Variants in TSFM observed in about 807,000 individuals in gnomAD.
TSFM encodes the protein elongation factor Ts, mitochondrial.
In TSFM, 29 loss-of-function variants were observed where a neutral mutation model predicts 33.4. The ratio of observed to expected loss-of-function variants is 0.87; its 90% CI spans 0.65 to 1.18. TSFM has a LOEUF of 1.18. Ranked by LOEUF, TSFM falls within the 50% of genes most tolerant of loss-of-function variation. The probability of loss-of-function intolerance (pLI) is 0.00; values close to 1 mark genes in which losing one functional copy is unlikely to be tolerated. For synonymous variants in TSFM, 178 were observed against 163.5 expected, an observed-to-expected ratio of 1.09 and a Z score of -0.68; for missense variants, 394 against 395.6, an observed-to-expected ratio of 1.00 and a Z score of 0.04.
At position 57,783,144 on chromosome 12, in the gene TSFM, G is replaced by C. The variant is rs148797631; in HGVS notation, c.92G>C (p.Arg31Thr). ...CTTCTGCGTCAGTCGCCCCAGCCAA[G>C]GCACACATTTTATGCTGGGCCCCGT... ...GSLLRQSPQPRHTFYAGPRLS... is the reference protein window; with the variant it reads ...GSLLRQSPQPTHTFYAGPRLS... Residue 31 changes from arginine to threonine, a missense_variant, in exon 2 of 6, where the codon AGG becomes ACG. Coordinates refer to ENST00000652027, the MANE Select transcript of TSFM (RefSeq NM_005726.6). The C allele has an allele frequency of 2.5e-5, 40 of 1,612,412 alleles. No individual in the cohort carries two copies. In the Middle Eastern group the frequency reaches 4.9e-4, roughly 20 times the overall value.
At chr12:57,789,147 A>G (rs1053806024) in intron 4 of TSFM, among the ~76,000 whole-genome samples, 1 of 151,140 alleles carries the variant, frequency 6.6e-6, no homozygotes, top group Non-Finnish European at 1.5e-5. Context: ...GTATTTTTGT[A>G]GAGACGGGAG....
At chr12:57,802,397 T>C, downstream of TSFM, 1 of 1,544,062 alleles carries the variant, frequency 6.5e-7, no homozygotes, top group Non-Finnish European at 8.8e-7. Context: ...TACCAAGGAC[T>C]AAGTACTAGA....
At chr12:57,799,532 G>GT (rs1955803453), downstream of TSFM, among the ~76,000 whole-genome samples, 1 of 152,248 alleles carries the variant, frequency 6.6e-6, no homozygotes, top group Admixed American at 6.5e-5. Context: ...TTGGATTGTA[G>GT]TAAGTAGTCC....
At chr12:57,790,953 G>T (rs962908125) in intron 4 of TSFM, among the ~76,000 whole-genome samples, 1 of 150,518 alleles carries the variant, frequency 6.6e-6, no homozygotes, top group Non-Finnish European at 1.5e-5. Flanking sequence ...TGATCTGCCT[G>T]ACTTGGCCTC....
Position 57,793,074 on chromosome 12 carries a change from G to A in TSFM, c.571+1G>A. 1 of 1,612,528 alleles carries A rather than the reference G, an allele frequency of 6.2e-7. No homozygotes were observed. The highest frequency in any genetic ancestry group is 8.5e-7 in the Non-Finnish European group (1 of 1,178,970). On this transcript the variant is annotated splice_donor_variant, in intron 5 of 5. Transcript: ENST00000652027. LOFTEE classifies it high-confidence loss of function. ...AAGGATCAGTTGGCTTTAGCAATTG[G>A]TGAGTATTTGTAAAGGTTCTGGAAA...
At chr12:57,801,168 A>G (rs141546672), downstream of TSFM, 2 of 1,613,692 alleles carry the variant, frequency 1.2e-6, no homozygotes, top group African/African-American at 2.7e-5. Flanking sequence ...TGATAGCAGC[A>G]GCATCTCCCA....
chr12:57,795,105 A>AT (rs1264266153), intron 5 of TSFM, among the ~76,000 whole-genome samples: 335 of 111,770 alleles, frequency 3.0e-3, no homozygotes, highest in Non-Finnish European at 3.5e-3. Context: ...ATATATATAA[A>AT]TTTTTTTTTT....
At chr12:57,783,029 AG>A in intron 1 of TSFM, 80 bp from the exon 2 acceptor site, 1 of 1,533,776 alleles carries the variant, frequency 6.5e-7, no homozygotes, top group Admixed American at 1.9e-5. Flanking sequence ...CCGCTCCCTA[AG>A]GTCGCTTCCC....
downstream of TSFM, chr12:57,800,511 T>C (rs1955824120): frequency 6.5e-6 from 1 of 152,840 alleles, no homozygotes; most frequent in African/African-American, 2.4e-5. Context: ...TGAATAAAAA[T>C]GTCATTTGGG....
At chr12:57,788,645 T>C (rs1565822132) in intron 4 of TSFM, among the ~76,000 whole-genome samples, 5 of 152,172 alleles carry the variant, frequency 3.3e-5, no homozygotes. Flanking sequence ...CACTTCTTTT[T>C]TTCTTTAAGA....
At chr12:57,795,824 C>T (rs1955729220) in intron 5 of TSFM, among the ~76,000 whole-genome samples, 1 of 152,038 alleles carries the variant, frequency 6.6e-6, no homozygotes, top group African/African-American at 2.4e-5. Context: ...CCATGTTGGC[C>T]AGGCTGGTCT....
downstream of TSFM, chr12:57,802,150 C>CT: frequency 1.2e-6 from 2 of 1,613,608 alleles, no homozygotes; most frequent in Non-Finnish European, 1.7e-6. Flanking sequence ...TCCCTACTCT[C>CT]TTTTCTTACA....
At chr12:57,790,229 C>G (rs1469319492) in intron 4 of TSFM, among the ~76,000 whole-genome samples, 2 of 151,938 alleles carry the variant, frequency 1.3e-5, no homozygotes, top group Non-Finnish European at 2.9e-5. Flanking sequence ...GCCACCATAC[C>G]CAGCTAATTT....
intron 3 of TSFM, among the ~76,000 whole-genome samples, chr12:57,786,711 A>G (rs1595138285): frequency 6.6e-6 from 1 of 152,354 alleles, no homozygotes; most frequent in South Asian, 2.1e-4. Context: ...AGATAATAGC[A>G]TAAGTGGTTT....
intron 5 of TSFM, among the ~76,000 whole-genome samples, chr12:57,794,375 A>G (rs1002180648): frequency 3.3e-5 from 5 of 152,122 alleles, no homozygotes; most frequent in African/African-American, 1.2e-4. Flanking sequence ...CTTTTGGCTT[A>G]TTTGGACTTC....
chr12:57,787,335 G>C (rs1955604528), intron 4 of TSFM, among the ~76,000 whole-genome samples, 173 bp downstream of exon 4: 1 of 152,088 alleles, frequency 6.6e-6, no homozygotes. Context: ...GTGTCATGCT[G>C]CATTTAAAAT....
chr12:57,791,573 T>C (rs1052182866), intron 4 of TSFM, among the ~76,000 whole-genome samples: 1 of 152,258 alleles, frequency 6.6e-6, no homozygotes, highest in African/African-American at 2.4e-5. Flanking sequence ...ACACTTATAA[T>C]CTGCTTTTTT....
chr12:57,789,961 G>A (rs1955640700), intron 4 of TSFM, among the ~76,000 whole-genome samples: 1 of 151,788 alleles, frequency 6.6e-6, no homozygotes, highest in African/African-American at 2.4e-5. Context: ...CCCCAACTGT[G>A]GAATGGGCCA....
chr12:57,794,113 T>C (rs1377811991), intron 5 of TSFM, among the ~76,000 whole-genome samples: 1 of 152,222 alleles, frequency 6.6e-6, no homozygotes, highest in Non-Finnish European at 1.5e-5. Flanking sequence ...GTATTATCTA[T>C]GATGTTTCAA....
Sources: gnomAD v4.1 joint callset for allele counts (sites outside exome capture counted in the v4.1 genomes callset) on GRCh38, gnomAD v4.1.1 for gene constraint, MANE v1.5 for transcripts, NCBI Gene and HGNC (gene_info 2026-07-23, HGNC 2026-07-21) for gene names.